C21orf91: variants seen among roughly 807,000 people sequenced by gnomAD.
The protein encoded by C21orf91 is chromosome 21 open reading frame 91, also known as protein EURL homolog.
In C21orf91, 26 loss-of-function variants were observed where a neutral mutation model predicts 32.9. That is an observed-to-expected ratio of 0.79 (90% CI 0.58 to 1.10). C21orf91 has a LOEUF of 1.10. Among genes scored for constraint, C21orf91 ranks in the 50% least tolerant of loss-of-function variants. The pLI, the probability that C21orf91 is intolerant of heterozygous loss-of-function variation, is 0.00. For synonymous variants in C21orf91, 126 were observed against 120.4 expected, an observed-to-expected ratio of 1.05 and a Z score of -0.31; for missense variants, 310 against 341.3, an observed-to-expected ratio of 0.91 and a Z score of 0.72.
chr21:17,804,624 A>G (rs764331310), intron 2 of C21orf91, among the ~76,000 whole-genome samples: 2 of 152,218 alleles, frequency 1.3e-5, no homozygotes, highest in African/African-American at 2.4e-5. Flanking sequence ...TTACTGCCCT[A>G]AAGAAAGATT....
intron 2 of C21orf91, among the ~76,000 whole-genome samples, chr21:17,803,843 C>T (rs1006981639): frequency 6.6e-6 from 1 of 151,538 alleles, no homozygotes; most frequent in Non-Finnish European, 1.5e-5. Context: ...AGAAGTGGCA[C>T]TCCCACGGAC....
chr21:17,798,346 T>C (rs1021121455), intron 2 of C21orf91, among the ~76,000 whole-genome samples: 3 of 152,206 alleles, frequency 2.0e-5, no homozygotes, highest in African/African-American at 2.4e-5. Flanking sequence ...TTTTTAAAAA[T>C]ATATATAGTA....
intron 3 of C21orf91, among the ~76,000 whole-genome samples, chr21:17,795,801 C>T (rs1343205824): frequency 6.6e-6 from 1 of 152,136 alleles, no homozygotes. Flanking sequence ...ACTCCCAGTA[C>T]ATCACCACCC....
In C21orf91 at chr21:17,797,004, C is replaced by G. The variant is rs747048120; in HGVS notation, c.242G>C (p.Ser81Thr). ...QGCPRSKLSK[S>T]TYEEVKTILS... The stretch of plus-strand genomic sequence containing the variant: ...AATGGTTTTAACTTCTTCATAAGTA[C>G]TTTTTGAAAGCTTAGATCGAGGACA... Residue 81 changes from serine (S) to threonine (T), a missense_variant, in exon 3 of 5, where the codon AGT (serine) becomes ACT (threonine). Coordinates refer to ENST00000284881, the MANE Select transcript of C21orf91 (RefSeq NM_001100420.2). 19 of 1,613,314 alleles carry G rather than the reference C, an allele frequency of 1.2e-5. No homozygotes were observed. The highest frequency in any genetic ancestry group is 3.3e-5 in the South Asian group (3 of 91,074).
At chr21:17,815,594 C>T (rs1165658049) in intron 2 of C21orf91, among the ~76,000 whole-genome samples, 1 of 152,016 alleles carries the variant, frequency 6.6e-6, no homozygotes, top group African/African-American at 2.4e-5. Flanking sequence ...TCTAAAGACC[C>T]GTATACTGAT....
At chr21:17,808,640 CTTG>C (rs1287555131) in intron 2 of C21orf91, among the ~76,000 whole-genome samples, 1 of 152,180 alleles carries the variant, frequency 6.6e-6, no homozygotes, top group East Asian at 1.9e-4. Flanking sequence ...AAGTAACTAA[CTTG>C]TTTTTTAGAG....
intron 2 of C21orf91, among the ~76,000 whole-genome samples, chr21:17,809,905 T>G (rs550360483): frequency 1.3e-5 from 2 of 152,330 alleles, no homozygotes; most frequent in South Asian, 4.1e-4. Flanking sequence ...GCCTTACTGT[T>G]GTACAACTCA....
intron 2 of C21orf91, among the ~76,000 whole-genome samples, chr21:17,801,463 G>A (rs1386946873): frequency 2.0e-5 from 3 of 151,928 alleles, no homozygotes; most frequent in Non-Finnish European, 4.4e-5. Flanking sequence ...GTAGAGACGG[G>A]GTTTCACCGT....
At chr21:17,806,025 C>T (rs887233243) in intron 2 of C21orf91, among the ~76,000 whole-genome samples, 1 of 152,046 alleles carries the variant, frequency 6.6e-6, no homozygotes, top group Non-Finnish European at 1.5e-5. Context: ...CAAAAGATAG[C>T]CTTAAAAATG....
intron 1 of C21orf91, 130 bp from the exon 2 acceptor site, chr21:17,818,455 A>C (rs2146266672): frequency 2.8e-6 from 2 of 712,344 alleles, no homozygotes; most frequent in South Asian, 3.7e-5. Flanking sequence ...CCATCAAACA[A>C]GCATCGCCAT....
At chr21:17,804,570 A>G (rs2062583026) in intron 2 of C21orf91, among the ~76,000 whole-genome samples, 2 of 152,246 alleles carry the variant, frequency 1.3e-5, no homozygotes. Flanking sequence ...CATGAAGCCA[A>G]CATACAGATG....
intron 2 of C21orf91, among the ~76,000 whole-genome samples, chr21:17,801,483 G>C (rs2062560520): frequency 6.6e-6 from 1 of 151,928 alleles, no homozygotes; most frequent in South Asian, 2.1e-4. Context: ...TGTTAGCCAG[G>C]ATGGTCTCGA....
intron 2 of C21orf91, chr21:17,810,386 C>T (rs1394796388): frequency 1.3e-5 from 2 of 152,140 alleles, no homozygotes; most frequent in African/African-American, 4.8e-5. Flanking sequence ...TAAATATGTT[C>T]TAAATATTTC....
chr21:17,813,839 T>C (rs1004309901), intron 2 of C21orf91: 8 of 152,186 alleles, frequency 5.3e-5, no homozygotes, highest in Non-Finnish European at 1.0e-4. Flanking sequence ...GGTCCAATCT[T>C]ATAAAAAAGT....
At chr21:17,799,002 T>C (rs2062540483) in intron 2 of C21orf91, among the ~76,000 whole-genome samples, 1 of 152,170 alleles carries the variant, frequency 6.6e-6, no homozygotes, top group Admixed American at 6.5e-5. Context: ...TGCCAACAGA[T>C]GGTTAGCTAA....
Position 17,797,004 on chromosome 21 carries a change from C to T in C21orf91, c.242G>A (p.Ser81Asn). 2 of 1,613,432 alleles carry T rather than the reference C, an allele frequency of 1.2e-6. No individual in the cohort carries two copies. Among genetic ancestry groups the T allele is most frequent in the Non-Finnish European group, 1.7e-6 (2 of 1,179,490 alleles). ...QGCPRSKLSK[S>N]TYEEVKTILS... ...AATGGTTTTAACTTCTTCATAAGTA[C>T]TTTTTGAAAGCTTAGATCGAGGACA... The change falls in exon 3 of 5, where the codon AGT (serine) becomes AAT (asparagine). Residue 81 changes from serine (S) to asparagine (N), a missense_variant. Ser to Asn is a conservative substitution (Grantham distance 46, BLOSUM62 1). Transcript: ENST00000284881.
chr21:17,806,258 G>A (rs1162889280), intron 2 of C21orf91, among the ~76,000 whole-genome samples: 2 of 152,212 alleles, frequency 1.3e-5, no homozygotes, highest in Non-Finnish European at 2.9e-5. Flanking sequence ...AGATAGCTAG[G>A]TGATCGCTGG....
At chr21:17,804,538 G>A (rs1400139992) in intron 2 of C21orf91, among the ~76,000 whole-genome samples, 1 of 152,204 alleles carries the variant, frequency 6.6e-6, no homozygotes, top group Non-Finnish European at 1.5e-5. Context: ...TGCCTTGGTA[G>A]CAGATAGAAT....
rs1409203017 is a variant in C21orf91 at position 17,793,432 on chromosome 21, G to A, written c.877C>T (p.Leu293=). The A allele has an allele frequency of 6.2e-7, 1 of 1,610,326 alleles. No homozygotes were observed. Among genetic ancestry groups the A allele is most frequent in the East Asian group, 2.2e-5 (1 of 44,764 alleles). Residue 293 remains leucine (L), a synonymous_variant, in exon 5 of 5, where the codon CTA becomes TTA. Transcript: ENST00000284881. ...QVGRTGMKSH[L]PINN ...TGTTTAGGTCAGTTGTTTATGGGTA[G>A]GTGCGACTTCATTCCTGTTCGCCCT...
Sources: gnomAD v4.1 joint callset for allele counts (sites outside exome capture counted in the v4.1 genomes callset) on GRCh38, gnomAD v4.1.1 for gene constraint, MANE v1.5 for transcripts, NCBI Gene and HGNC (gene_info 2026-07-23, HGNC 2026-07-21) for gene names.